Variants in ERBIN observed in about 807,000 individuals in gnomAD.
The protein encoded by ERBIN is erbb2 interacting protein, also known as densin-180-like protein.
ERBIN carries 60 observed loss-of-function variants against 158.4 expected under a neutral mutation model. That is an observed-to-expected ratio of 0.38 (90% CI 0.31 to 0.47). The LOEUF (loss-of-function observed/expected upper bound fraction) is 0.47. Ranked by LOEUF, ERBIN falls within the 20% of genes least tolerant of loss-of-function variation. ERBIN has a pLI of 0.99. For missense variants in ERBIN, 1,610 were observed against 1,648.0 expected, an observed-to-expected ratio of 0.98 and a Z score of 0.40; for synonymous variants, 594 against 557.2, an observed-to-expected ratio of 1.07 and a Z score of -0.93.
At chr5:65,932,324 C>T (rs1358288657) in intron 1 of ERBIN, among the ~76,000 whole-genome samples, 1 of 128,286 alleles carries the variant, frequency 7.8e-6, no homozygotes, top group Non-Finnish European at 1.6e-5. Context: ...GGCGACAGAG[C>T]AAGACTCCGT....
chr5:66,042,956 C>G, intron 15 of ERBIN, 121 bp from the exon 16 acceptor site: 1 of 694,396 alleles, frequency 1.4e-6, no homozygotes. Flanking sequence ...TTGCATTGAC[C>G]ATTCTTAACT....
chr5:65,942,466 T>C (rs1335348397), intron 1 of ERBIN, among the ~76,000 whole-genome samples: 1 of 152,254 alleles, frequency 6.6e-6, no homozygotes, highest in Non-Finnish European at 1.5e-5. Flanking sequence ...CATCTTCTCT[T>C]TGGCGGACGC....
rs1315239399 is a variant in ERBIN, at chr5:66,038,439, G to C, written c.1263G>C (p.Val421=). The C allele has an allele frequency of 6.2e-7, 1 of 1,612,262 alleles. No homozygotes were observed. The highest frequency in any genetic ancestry group is 1.7e-5 in the Admixed American group (1 of 59,912). The change falls in exon 15 of 26, where the codon GTG becomes GTC. Residue 421 remains valine (V), a synonymous_variant. Coordinates refer to ENST00000284037, the MANE Select transcript of ERBIN (RefSeq NM_001253697.2). ...CTGATTCAGAGACCCAGAAAATGGT[G>C]CTTACCAACTACATGTTCCCTCAAC... is the stretch of plus-strand genomic sequence containing the variant. ...KETDSETQKM[V]LTNYMFPQQP... is the part of the protein sequence containing the mutation.
intron 14 of ERBIN, among the ~76,000 whole-genome samples, chr5:66,032,554 T>C (rs1471216171): frequency 6.6e-6 from 1 of 152,212 alleles, no homozygotes; most frequent in East Asian, 1.9e-4. Flanking sequence ...GTGATTTTTA[T>C]GATAGATAAT....
chr5:66,008,191 C>T (rs1470536013), intron 4 of ERBIN, among the ~76,000 whole-genome samples: 11 of 151,992 alleles, frequency 7.2e-5, no homozygotes, highest in Non-Finnish European at 1.5e-4. Context: ...CTGAGGTGGG[C>T]GGATCACGAG....
intron 25 of ERBIN, among the ~76,000 whole-genome samples, chr5:66,077,784 A>AGT (rs1487375015): frequency 2.9e-4 from 37 of 129,200 alleles, no homozygotes; most frequent in African/African-American, 1.2e-3. Flanking sequence ...ACACACACAC[A>AGT]CACACACACA....
chr5:65,955,986 G>A (rs1561291904), intron 1 of ERBIN, among the ~76,000 whole-genome samples: 1 of 152,172 alleles, frequency 6.6e-6, no homozygotes, highest in Non-Finnish European at 1.5e-5. Context: ...AGTAGTAGCT[G>A]TCTCAGTTAT....
In ERBIN at chr5:66,053,874, C is replaced by T. The variant is rs751368372; in HGVS notation, c.2556C>T (p.Ser852=). 4.3e-6 allele frequency: 7 copies of T among 1,613,958 alleles called. No individual in the cohort carries two copies. In the South Asian group the frequency reaches 6.6e-5, roughly 15 times the overall value. Residue 852 remains serine, a synonymous_variant, in exon 21 of 26, where the codon AGC becomes AGT. Transcript: ENST00000284037. ...DCSVDLGISK[S]TEDLSPQKSG... The stretch of plus-strand genomic sequence containing the variant: ...CTGTTGACTTAGGTATTTCCAAAAG[C>T]ACTGAAGATCTCTCCCCTCAGAAAA...
chr5:65,958,008 T>C (rs1311528375), intron 1 of ERBIN, among the ~76,000 whole-genome samples: 1 of 150,676 alleles, frequency 6.6e-6, no homozygotes, highest in Admixed American at 6.6e-5. Flanking sequence ...GAGGCGCTCC[T>C]CACATCCCAG....
chr5:65,986,114 C>T (rs1483566169), intron 1 of ERBIN, among the ~76,000 whole-genome samples: 1 of 152,116 alleles, frequency 6.6e-6, no homozygotes, highest in Non-Finnish European at 1.5e-5. Context: ...ATGATCTCAT[C>T]TTATTTCATT....
At chr5:65,932,154 C>G (rs1368875165) in intron 1 of ERBIN, among the ~76,000 whole-genome samples, 1 of 151,828 alleles carries the variant, frequency 6.6e-6, no homozygotes, top group East Asian at 1.9e-4. Context: ...CCATGGACAA[C>G]ACAGTGAAAC....
At chr5:66,051,540 T>G (rs1759021630) in intron 20 of ERBIN, among the ~76,000 whole-genome samples, 1 of 152,040 alleles carries the variant, frequency 6.6e-6, no homozygotes, top group Non-Finnish European at 1.5e-5. Context: ...GTTATCAGAG[T>G]AAGGCCCTGC....
At position 66,021,394 on chromosome 5, in the gene ERBIN, T is replaced by C; in HGVS notation, c.597+9T>C. The C allele has an allele frequency of 6.4e-7, 1 of 1,567,958 alleles. No homozygotes were observed. The highest frequency in any genetic ancestry group is 1.2e-5 in the South Asian group (1 of 86,688). On this transcript the variant is annotated intron_variant, in intron 8 of 25. Coordinates refer to ENST00000284037, the MANE Select transcript of ERBIN (RefSeq NM_001253697.2). ...ACGAATTCACGGAAGTGGTAAGTTC[T>C]CATCAGTCTCACTTTCCCTAAGTTC...
chr5:66,028,886 A>G (rs1561396401), intron 14 of ERBIN, among the ~76,000 whole-genome samples: 2 of 152,192 alleles, frequency 1.3e-5, no homozygotes, highest in Non-Finnish European at 2.9e-5. Flanking sequence ...ATAAGTGAAG[A>G]CATGTGAAGT....
intron 1 of ERBIN, among the ~76,000 whole-genome samples, chr5:65,977,930 G>A (rs1333857732): frequency 1.3e-5 from 2 of 151,946 alleles, no homozygotes; most frequent in Admixed American, 6.5e-5. Context: ...CGAGGCTGGC[G>A]GATCACTCGC....
At chr5:65,943,441 A>G (rs1745318197) in intron 1 of ERBIN, among the ~76,000 whole-genome samples, 1 of 152,250 alleles carries the variant, frequency 6.6e-6, no homozygotes, top group South Asian at 2.1e-4. Flanking sequence ...TTGGTAATCC[A>G]TGTTCACAAT....
chr5:65,930,751 C>T (rs906672018), intron 1 of ERBIN, among the ~76,000 whole-genome samples: 3 of 152,116 alleles, frequency 2.0e-5, no homozygotes, highest in Admixed American at 1.3e-4. Flanking sequence ...TTTTATTATA[C>T]TTTTGGCCTC....
chr5:65,985,302 A>C (rs767552224), intron 1 of ERBIN, among the ~76,000 whole-genome samples: 12 of 152,224 alleles, frequency 7.9e-5, no homozygotes, highest in Non-Finnish European at 1.8e-4. Context: ...CATGTTGGCC[A>C]GGCGGTCTTA....
chr5:65,971,561 C>G (rs1441399301), intron 1 of ERBIN, among the ~76,000 whole-genome samples: 1 of 152,148 alleles, frequency 6.6e-6, no homozygotes, highest in Non-Finnish European at 1.5e-5. Flanking sequence ...CTTATGGACA[C>G]TCAACAGCTA....
Sources: gnomAD v4.1 joint callset for allele counts (sites outside exome capture counted in the v4.1 genomes callset) on GRCh38, gnomAD v4.1.1 for gene constraint, MANE v1.5 for transcripts, NCBI Gene and HGNC (gene_info 2026-07-23, HGNC 2026-07-21) for gene names.